Variants in CMIP observed in about 807,000 individuals in gnomAD.
CMIP encodes c-Maf inducing protein.
CMIP carries 13 observed loss-of-function variants against 97.3 expected under a neutral mutation model. The ratio of observed to expected loss-of-function variants is 0.13; its 90% CI spans 0.09 to 0.21. The LOEUF is 0.21. Among genes scored for constraint, CMIP ranks in the 10% least tolerant of loss-of-function variants. The pLI is 1.00. For synonymous variants in CMIP, 538 were observed against 436.3 expected (o/e 1.23, Z -2.91); for missense variants, 847 against 1,024.9 (o/e 0.83, Z 2.37).
chr16:81,473,174 C>T (rs1597458221), intron 1 of CMIP, among the ~76,000 whole-genome samples: 1 of 152,248 alleles, frequency 6.6e-6, no homozygotes, highest in African/African-American at 2.4e-5. Flanking sequence ...TGGTGGCCAC[C>T]GCCTGCAAGT....
At chr16:81,502,037 C>A (rs1337349777) in intron 1 of CMIP, among the ~76,000 whole-genome samples, 1 of 152,210 alleles carries the variant, frequency 6.6e-6, no homozygotes, top group Admixed American at 6.5e-5. Flanking sequence ...ATGCTAGGCC[C>A]TATTCTAAGT....
intron 1 of CMIP, among the ~76,000 whole-genome samples, chr16:81,537,907 CAG>C (rs142033433): frequency 0.056 from 8,560 of 152,240 alleles, 323 homozygotes; most frequent in South Asian, 0.11. Context: ...GGGGAACTCA[CAG>C]AGGGTGGAGA....
intron 9 of CMIP, among the ~76,000 whole-genome samples, chr16:81,673,511 T>G (rs1445586650): frequency 7.0e-6 from 1 of 142,580 alleles, no homozygotes; most frequent in African/African-American, 2.6e-5. Flanking sequence ...GTGAGACTCC[T>G]TCTCAAAAAT....
rs571710113 is a variant in CMIP at position 81,696,640 on chromosome 16, C to T, written c.1611C>T (p.Asp537=). The change falls in exon 14 of 21, where the codon GAC becomes GAT. Residue 537 remains aspartate, a synonymous_variant. Transcript: ENST00000537098. ...QLYSPGGVAC[D]DDGELFASMV... The stretch of plus-strand genomic sequence containing the variant: ...ACAGCCCCGGAGGGGTGGCCTGCGA[C>T]GATGACGGGGAGCTGTTCGCCAGCA... 1.9e-5 allele frequency: 31 copies of T among 1,606,964 alleles called. No homozygotes were observed. Among genetic ancestry groups the T allele is most frequent in the Middle Eastern group, 1.7e-4 (1 of 6,000 alleles).
At chr16:81,629,531 C>A (rs1396166015) in intron 3 of CMIP, among the ~76,000 whole-genome samples, 3 of 152,236 alleles carry the variant, frequency 2.0e-5, no homozygotes, top group Non-Finnish European at 4.4e-5. Flanking sequence ...GCCCGTCTAA[C>A]CCCGTCTTGG....
At chr16:81,537,126 T>C (rs2090357710) in intron 1 of CMIP, among the ~76,000 whole-genome samples, 1 of 152,214 alleles carries the variant, frequency 6.6e-6, no homozygotes, top group South Asian at 2.1e-4. Context: ...AGAACTGGGC[T>C]ACAGACTCAG....
rs149512360 is a variant in CMIP at position 81,653,368 on chromosome 16, G to A, written c.639+1004G>A. Among the ~76,000 whole-genome samples the A allele has an allele frequency of 4.1e-4, 62 of 152,346 alleles. No homozygotes were observed. The East Asian group carries it at 9.6e-3, about 24-fold the overall frequency. ...GGACGGGGCCTGGCACCGGCCCTCC[G>A]TGTCTGTGGAGTAGAGAAGGTCCCT... is the stretch of plus-strand genomic sequence containing the variant. On this transcript the variant is annotated intron_variant, in intron 4 of 20. Coordinates refer to ENST00000537098, the MANE Select transcript of CMIP (RefSeq NM_198390.3).
At chr16:81,642,506 G>A (rs1008809557) in intron 3 of CMIP, among the ~76,000 whole-genome samples, 2 of 152,212 alleles carry the variant, frequency 1.3e-5, no homozygotes, top group East Asian at 3.8e-4. Flanking sequence ...GTGCTGTCCT[G>A]TGGCAAAATT....
intron 1 of CMIP, among the ~76,000 whole-genome samples, chr16:81,555,812 G>T (rs2090751352): frequency 6.6e-6 from 1 of 152,208 alleles, no homozygotes; most frequent in South Asian, 2.1e-4. Context: ...TGTCTGGTCT[G>T]CCCTGGTTGG....
At chr16:81,448,244 T>A (rs1429805069) in intron 1 of CMIP, among the ~76,000 whole-genome samples, 1 of 152,194 alleles carries the variant, frequency 6.6e-6, no homozygotes, top group African/African-American at 2.4e-5. Flanking sequence ...AATTATCTGG[T>A]TAATTGTATG....
chr16:81,565,925 G>T (rs916102749), intron 1 of CMIP, among the ~76,000 whole-genome samples: 1 of 152,186 alleles, frequency 6.6e-6, no homozygotes, highest in Admixed American at 6.5e-5. Context: ...ACATGCCCCT[G>T]CGCCCTCCTT....
intron 1 of CMIP, chr16:81,495,463 G>C (rs751292175): frequency 1.2e-6 from 2 of 1,612,792 alleles, no homozygotes; most frequent in Non-Finnish European, 1.7e-6. Context: ...CTCCGCCCTG[G>C]CGTCCGGGGA....
intron 1 of CMIP, among the ~76,000 whole-genome samples, chr16:81,516,565 C>T (rs779407994): frequency 3.3e-5 from 5 of 152,184 alleles, no homozygotes; most frequent in Non-Finnish European, 7.3e-5. Flanking sequence ...CTCAGCTCAT[C>T]GCCGTCAGAG....
intron 1 of CMIP, among the ~76,000 whole-genome samples, chr16:81,459,008 G>A (rs540200415): frequency 1.9e-4 from 27 of 143,976 alleles, no homozygotes; most frequent in East Asian, 5.8e-4. Flanking sequence ...CACCATCACC[G>A]TCACCGTCAC....
At position 81,699,738 on chromosome 16, in the gene CMIP, G is replaced by A. The variant is rs1907175782; in HGVS notation, c.1692G>A (p.Leu564=). The change falls in exon 15 of 21, where the codon CTG becomes CTA. Residue 564 remains leucine, a synonymous_variant. Coordinates refer to ENST00000537098, the MANE Select transcript of CMIP (RefSeq NM_198390.3). ...CYKTKKFLLS[L]AENKLGPCML... ...AGACCAAAAAATTCCTGCTCTCCCT[G>A]GCAGAAAACAAGCTGGGTCCCTGCA... is the stretch of plus-strand genomic sequence containing the variant. 8 of 1,613,780 alleles carry A rather than the reference G, an allele frequency of 5.0e-6. No homozygotes were observed. Among genetic ancestry groups the A allele is most frequent in the Non-Finnish European group, 6.8e-6 (8 of 1,179,804 alleles).
chr16:81,649,092 G>A (rs2092398224), intron 3 of CMIP, among the ~76,000 whole-genome samples: 1 of 152,212 alleles, frequency 6.6e-6, no homozygotes, highest in African/African-American at 2.4e-5. Flanking sequence ...TCCTCCCTAT[G>A]ACAAGCCCCC....
chr16:81,468,971 C>T (rs1429666002), intron 1 of CMIP, among the ~76,000 whole-genome samples: 1 of 152,166 alleles, frequency 6.6e-6, no homozygotes, highest in Non-Finnish European at 1.5e-5. Context: ...ACATGGAAGC[C>T]GAATTACAGG....
chr16:81,706,993 C>G (rs775991014), intron 19 of CMIP, 21 bp from the exon 20 acceptor site: 13 of 1,611,740 alleles, frequency 8.1e-6, no homozygotes, highest in Non-Finnish European at 8.5e-6. Context: ...CTCCTAACAA[C>G]TGTATCTGTC....
intron 1 of CMIP, among the ~76,000 whole-genome samples, chr16:81,569,991 T>G (rs749746827): frequency 8.6e-5 from 13 of 151,758 alleles, no homozygotes; most frequent in Non-Finnish European, 1.9e-4. Context: ...TTCACTAACT[T>G]CTTCAGCCCT....
Sources: gnomAD v4.1 joint callset for allele counts (sites outside exome capture counted in the v4.1 genomes callset) on GRCh38, gnomAD v4.1.1 for gene constraint, MANE v1.5 for transcripts, NCBI Gene and HGNC (gene_info 2026-07-23, HGNC 2026-07-21) for gene names.